TBPL2: variants seen among roughly 807,000 people sequenced by gnomAD.
TBPL2 encodes the protein TATA box-binding protein-like 2.
In TBPL2, 40 loss-of-function variants were observed where a neutral mutation model predicts 38.2. That is an observed-to-expected ratio of 1.05 (90% confidence interval 0.81 to 1.36). TBPL2 has a LOEUF of 1.36. Among genes scored for constraint, TBPL2 ranks in the 40% most tolerant of loss-of-function variants. TBPL2 has a pLI of 0.00. For missense variants in TBPL2, 461 were observed against 456.7 expected, an observed-to-expected ratio of 1.01 and a Z score of -0.09; for synonymous variants, 169 against 171.7, an observed-to-expected ratio of 0.98 and a Z score of 0.12.
chr14:55,425,114 CA>C, intron 5 of TBPL2, among the ~76,000 whole-genome samples: 1 of 152,332 alleles, frequency 6.6e-6, no homozygotes, highest in South Asian at 2.1e-4. Context: ...GACCCAAAAA[CA>C]ACAGCAGATG....
Position 55,436,557 on chromosome 14 carries a change from T to G in TBPL2, c.608+4A>C. On this transcript the variant is annotated splice_donor_region_variant and intron_variant, in intron 2 of 6. Coordinates refer to ENST00000247219, the Ensembl canonical transcript of TBPL2. ...GCTCAATTAAAACAAAAATAAAAAC[T>G]TACTGTAGTTGAGGTACAATTCCAC... is the stretch of plus-strand genomic sequence containing the variant. 1 of 1,611,498 alleles carries G rather than the reference T, an allele frequency of 6.2e-7. No individual in the cohort carries two copies. The highest frequency in any genetic ancestry group is 8.5e-7 in the Non-Finnish European group (1 of 1,177,936).
intron 1 of TBPL2, among the ~76,000 whole-genome samples, chr14:55,439,623 C>G (rs1445013872): frequency 7.3e-6 from 1 of 136,742 alleles, no homozygotes; most frequent in Non-Finnish European, 1.6e-5. Flanking sequence ...AACCCCCCCC[C>G]GTCTCTACTA....
intron 4 of TBPL2, among the ~76,000 whole-genome samples, chr14:55,429,272 A>G (rs1885884302): frequency 6.6e-6 from 1 of 152,258 alleles, no homozygotes; most frequent in South Asian, 2.1e-4. Context: ...GATTCCAAGG[A>G]TTCGCAAAGT....
exon 1 of TBPL2, chr14:55,440,503 C>G (rs1594796055): frequency 6.2e-7 from 1 of 1,611,806 alleles, no homozygotes; most frequent in East Asian, 2.2e-5. Context: ...AAGCGCGGAG[C>G]GAGCAGCCTC....
exon 7 of TBPL2, chr14:55,414,405 T>G: frequency 6.2e-7 from 1 of 1,607,578 alleles, no homozygotes; most frequent in Non-Finnish European, 8.5e-7. Context: ...CCTTTTAGAA[T>G]AGGATAGATG....
chr14:55,428,431 T>C (rs992108808), intron 5 of TBPL2, among the ~76,000 whole-genome samples: 1 of 152,142 alleles, frequency 6.6e-6, no homozygotes, highest in African/African-American at 2.4e-5. Context: ...AAGCTACGTT[T>C]GTATGCTTAC....
intron 5 of TBPL2, 98 bp from the exon 6 acceptor site, chr14:55,424,351 T>C: frequency 1.4e-6 from 1 of 716,748 alleles, no homozygotes. Context: ...ATTAAAGCAG[T>C]TGTAAATAAG....
chr14:55,430,203 C>G (rs911565876), intron 4 of TBPL2, among the ~76,000 whole-genome samples: 1 of 152,106 alleles, frequency 6.6e-6, no homozygotes, highest in African/African-American at 2.4e-5. Flanking sequence ...TTCCACCCCC[C>G]TCATGGGTTT....
At chr14:55,419,629 A>G (rs1885714483) in intron 6 of TBPL2, among the ~76,000 whole-genome samples, 1 of 152,188 alleles carries the variant, frequency 6.6e-6, no homozygotes, top group Admixed American at 6.5e-5. Context: ...TTACTTGACT[A>G]TAATTAGGAC....
intron 1 of TBPL2, 107 bp from the exon 2 acceptor site, chr14:55,437,125 G>T: frequency 1.0e-6 from 1 of 987,170 alleles, no homozygotes. Flanking sequence ...TTCAGTGTAA[G>T]AGGCAGTTCA....
In TBPL2 at chr14:55,432,820, A is replaced by G. The variant is rs566765032; in HGVS notation, c.788+810T>C. Reference sequence around the variant, plus strand: ...AAACAGGCTCTGCCACTACAGAGTTATGGTGAAAGAATACCCATCAACACA... The same window carrying G: ...AAACAGGCTCTGCCACTACAGAGTTGTGGTGAAAGAATACCCATCAACACA... On this transcript the variant is annotated intron_variant, in intron 4 of 6. Coordinates refer to ENST00000247219, the Ensembl canonical transcript of TBPL2. Among the ~76,000 whole-genome samples, 3 of 152,350 alleles carry G rather than the reference A, an allele frequency of 2.0e-5. No individual in the cohort carries two copies. The South Asian group carries it at 6.2e-4, about 32-fold the overall frequency.
chr14:55,430,464 T>A (rs919174496), intron 4 of TBPL2, among the ~76,000 whole-genome samples: 1 of 149,660 alleles, frequency 6.7e-6, no homozygotes, highest in African/African-American at 2.5e-5. Context: ...TGGAGTGCAG[T>A]GGCATGATCA....
At chr14:55,431,125 C>A (rs1172717622) in intron 4 of TBPL2, among the ~76,000 whole-genome samples, 1 of 152,218 alleles carries the variant, frequency 6.6e-6, no homozygotes, top group African/African-American at 2.4e-5. Context: ...ATCCCTCATA[C>A]TCTTGCTGTT....
chr14:55,428,005 T>C (rs1268261517), intron 5 of TBPL2, among the ~76,000 whole-genome samples: 1 of 141,136 alleles, frequency 7.1e-6, no homozygotes, highest in African/African-American at 2.8e-5. Flanking sequence ...CCTCCCAGGA[T>C]TGCTTTCATA....
rs376435035 is a variant in TBPL2 at position 55,428,798 on chromosome 14, C to G, written c.956+9G>C. 2 of 1,611,326 alleles carry G rather than the reference C, an allele frequency of 1.2e-6. No homozygotes were observed. Among genetic ancestry groups the G allele is most frequent in the African/African-American group, 2.7e-5 (2 of 74,656 alleles). Reference sequence around the variant, plus strand: ...TAAATTCAAAGTTCAAGCTATATAACCGTCATACCTACTGAACTGCTGATG... The same window carrying G: ...TAAATTCAAAGTTCAAGCTATATAAGCGTCATACCTACTGAACTGCTGATG... On this transcript the variant is annotated intron_variant, in intron 5 of 6. Coordinates refer to ENST00000247219, the Ensembl canonical transcript of TBPL2.
At chr14:55,433,014 C>G (rs1885956460) in intron 4 of TBPL2, among the ~76,000 whole-genome samples, 1 of 152,234 alleles carries the variant, frequency 6.6e-6, no homozygotes, top group Non-Finnish European at 1.5e-5. Context: ...ACTTATAACA[C>G]ACTTCATCAT....
At chr14:55,429,328 A>C (rs138888159) in intron 4 of TBPL2, among the ~76,000 whole-genome samples, 97 of 152,366 alleles carry the variant, frequency 6.4e-4, no homozygotes, top group African/African-American at 2.0e-3. Context: ...TTAGAAATGC[A>C]AAGTCCCAGG....
chr14:55,420,263 G>T (rs1045175492), intron 6 of TBPL2, among the ~76,000 whole-genome samples: 3 of 152,210 alleles, frequency 2.0e-5, no homozygotes, highest in African/African-American at 7.2e-5. Context: ...TAGAGACAGG[G>T]TCTTGCCATG....
In TBPL2 at chr14:55,433,675, G is replaced by A. The variant is rs1161421183; in HGVS notation, c.743C>T (p.Ala248Val). Residue 248 changes from alanine to valine, a missense_variant, in exon 4 of 7, where the codon GCC becomes GTC. By Grantham distance (64) the Ala-to-Val change is moderately conservative. Transcript: ENST00000247219. ...CATCTTCCCAGAGCTAAATATAAGG[G>A]CTGTTGTCCTGGGCTCTCGGATCCT... The A allele has an allele frequency of 2.5e-6, 4 of 1,614,028 alleles. No homozygotes were observed. In the East Asian group the frequency reaches 6.7e-5, roughly 27 times the overall value.
Sources: gnomAD v4.1 joint callset for allele counts (sites outside exome capture counted in the v4.1 genomes callset) on GRCh38, gnomAD v4.1.1 for gene constraint, MANE v1.5 for transcripts, NCBI Gene and HGNC (gene_info 2026-07-23, HGNC 2026-07-21) for gene names.